Variants in UNC5D observed in about 807,000 individuals in gnomAD.
The protein encoded by UNC5D is netrin receptor UNC5D.
Under a neutral mutation model 105.4 loss-of-function variants are expected in UNC5D, and 39 were observed. That is an observed-to-expected ratio of 0.37 (90% CI 0.29 to 0.48). The LOEUF is 0.48. Among genes scored for constraint, UNC5D ranks in the 20% least tolerant of loss-of-function variants. The pLI is 0.98. For missense variants in UNC5D, 991 were observed against 1,202.4 expected, an observed-to-expected ratio of 0.82 and a Z score of 2.60; for synonymous variants, 452 against 450.4, an observed-to-expected ratio of 1.00 and a Z score of -0.04.
At chr8:35,699,224 G>A (rs538876068) in intron 7 of UNC5D, among the ~76,000 whole-genome samples, 5 of 152,204 alleles carry the variant, frequency 3.3e-5, no homozygotes, top group Admixed American at 3.3e-4. Flanking sequence ...TGCCACTTAT[G>A]AGCATAGTCA....
In UNC5D at chr8:35,683,600, T is replaced by G; in HGVS notation, c.624T>G (p.Ile208Met). Residue 208 changes from isoleucine (I) to methionine (M), a missense_variant, in exon 5 of 17, where the codon ATT becomes ATG. This residue lies in a region of UNC5D where 944 missense variants were observed against 1,131.6 expected (regional missense o/e 0.83). Coordinates refer to ENST00000404895, the MANE Select transcript of UNC5D (RefSeq NM_080872.4). ...TTGACTCTGAACAAGACGAGAACAT[T>G]GACACCAGGGCTGACCATAACCTGA... ...EPIDSEQDEN[I>M]DTRADHNLII... 6.3e-7 allele frequency: 1 copy of G among 1,578,730 alleles called. No homozygotes were observed. The highest frequency in any genetic ancestry group is 8.6e-7 in the Non-Finnish European group (1 of 1,167,688).
At chr8:35,431,480 C>A (rs999114563) in intron 1 of UNC5D, among the ~76,000 whole-genome samples, 1 of 151,994 alleles carries the variant, frequency 6.6e-6, no homozygotes, top group African/African-American at 2.4e-5. Flanking sequence ...TTTCAAGGCT[C>A]CTTAAGTAAA....
chr8:35,253,406 T>A (rs1457365148), intron 1 of UNC5D, among the ~76,000 whole-genome samples: 1 of 151,848 alleles, frequency 6.6e-6, no homozygotes, highest in Non-Finnish European at 1.5e-5. Flanking sequence ...TCATATTTAT[T>A]CCTTTAATCC....
intron 11 of UNC5D, among the ~76,000 whole-genome samples, chr8:35,739,999 C>A (rs915636389): frequency 3.9e-5 from 6 of 152,118 alleles, no homozygotes; most frequent in African/African-American, 1.4e-4. Flanking sequence ...TATGGAGCTT[C>A]GCTCTGCAAA....
chr8:35,351,310 T>G (rs1489529395), intron 1 of UNC5D, among the ~76,000 whole-genome samples: 1 of 152,064 alleles, frequency 6.6e-6, no homozygotes, highest in South Asian at 2.1e-4. Context: ...AAAACTATTA[T>G]GTACCTTAAA....
chr8:35,416,347 G>T (rs1805534623), intron 1 of UNC5D, among the ~76,000 whole-genome samples: 1 of 152,058 alleles, frequency 6.6e-6, no homozygotes. Flanking sequence ...GAAGTACAGA[G>T]CCCAGCAAAA....
intron 1 of UNC5D, among the ~76,000 whole-genome samples, chr8:35,390,643 G>C (rs938716155): frequency 6.6e-6 from 1 of 152,134 alleles, no homozygotes; most frequent in African/African-American, 2.4e-5. Flanking sequence ...TTTCTTATTT[G>C]TTGGTAACAC....
chr8:35,487,993 G>A (rs1306037411), intron 1 of UNC5D, among the ~76,000 whole-genome samples: 1 of 152,206 alleles, frequency 6.6e-6, no homozygotes, highest in African/African-American at 2.4e-5. Flanking sequence ...TATTTAAAGT[G>A]TGGTCTGGTT....
At chr8:35,631,033 C>A (rs930854265) in intron 4 of UNC5D, among the ~76,000 whole-genome samples, 9 of 152,290 alleles carry the variant, frequency 5.9e-5, no homozygotes, top group Admixed American at 5.9e-4. Flanking sequence ...TTGGCCTGGG[C>A]CGGGCACAGT....
chr8:35,597,850 C>A (rs1293083401), intron 4 of UNC5D, among the ~76,000 whole-genome samples: 1 of 152,156 alleles, frequency 6.6e-6, no homozygotes, highest in Non-Finnish European at 1.5e-5. Context: ...AAAGCTACTC[C>A]AAAGCACTCC....
At chr8:35,483,844 T>C (rs12545517) in intron 1 of UNC5D, among the ~76,000 whole-genome samples, 26,486 of 152,124 alleles carry the variant, frequency 0.17, 3,056 homozygotes, top group African/African-American at 0.29. Flanking sequence ...CAGATAAAAA[T>C]GTTTTAATTA....
chr8:35,635,370 A>T (rs948313192), intron 4 of UNC5D, among the ~76,000 whole-genome samples: 1 of 152,142 alleles, frequency 6.6e-6, no homozygotes, highest in African/African-American at 2.4e-5. Context: ...TTTGAAAGGG[A>T]TGCACGTTTT....
At chr8:35,681,988 G>A (rs1030454203) in intron 4 of UNC5D, among the ~76,000 whole-genome samples, 5 of 151,930 alleles carry the variant, frequency 3.3e-5, no homozygotes, top group Non-Finnish European at 7.4e-5. Context: ...AGGGGCGGAC[G>A]GAGTCTCGCT....
At chr8:35,730,758 C>A (rs1829148527) in intron 10 of UNC5D, among the ~76,000 whole-genome samples, 1 of 150,400 alleles carries the variant, frequency 6.6e-6, no homozygotes, top group African/African-American at 2.5e-5. Flanking sequence ...AGAATTAATG[C>A]TGGGATGACT....
intron 1 of UNC5D, among the ~76,000 whole-genome samples, chr8:35,386,731 C>T (rs540871757): frequency 1.8e-4 from 28 of 152,172 alleles, no homozygotes; most frequent in South Asian, 6.2e-4. Flanking sequence ...AAGTGGCACG[C>T]GGGAGGCTTT....
intron 1 of UNC5D, among the ~76,000 whole-genome samples, chr8:35,481,739 G>T (rs1480655349): frequency 6.6e-6 from 1 of 152,154 alleles, no homozygotes. Context: ...AAGTTACCTT[G>T]TTAGTATCCA....
chr8:35,605,916 A>G (rs1820260119), intron 4 of UNC5D, among the ~76,000 whole-genome samples: 1 of 152,088 alleles, frequency 6.6e-6, no homozygotes, highest in Admixed American at 6.6e-5. Context: ...ACTATTTTGA[A>G]TTTATATAAA....
At chr8:35,395,468 G>A (rs1301214974) in intron 1 of UNC5D, among the ~76,000 whole-genome samples, 2 of 152,214 alleles carry the variant, frequency 1.3e-5, no homozygotes, top group Non-Finnish European at 2.9e-5. Flanking sequence ...GGTGGAGTCA[G>A]TGTTAAAATT....
chr8:35,649,614 A>C (rs985538238), intron 4 of UNC5D, among the ~76,000 whole-genome samples: 10 of 152,190 alleles, frequency 6.6e-5, no homozygotes, highest in South Asian at 2.1e-4. Flanking sequence ...AACCTGGAAA[A>C]CACCACCTGA....
Sources: allele counts gnomAD v4.1 joint callset (sites outside exome capture counted in the v4.1 genomes callset), GRCh38; gene constraint gnomAD v4.1.1; regional missense constraint gnomAD v4.1.1; transcripts MANE v1.5; gene names NCBI Gene and HGNC (gene_info 2026-07-23, HGNC 2026-07-21).